The following SHANK1 variants were observed in gnomAD, a reference collection of about 807,000 sequenced individuals.
SHANK1 encodes the protein SH3 and multiple ankyrin repeat domains 1, also known as SH3 and multiple ankyrin repeat domains protein 1.
SHANK1 carries 35 observed loss-of-function variants against 165.6 expected under a neutral mutation model. The ratio of observed to expected loss-of-function variants is 0.21; its 90% CI spans 0.16 to 0.28. The LOEUF is 0.28. SHANK1 is among the 10% of genes least tolerant of loss of function. SHANK1 has a pLI of 1.00. For synonymous variants in SHANK1, 1,428 were observed against 1,384.8 expected (o/e 1.03, Z -0.69); for missense variants, 2,681 against 3,036.4 (o/e 0.88, Z 2.75).
At position 50,716,152 on chromosome 19, in the gene SHANK1, G is replaced by T; in HGVS notation, c.459+123C>A. ...CTGACTTCCCTGTGATGCTTAGAAG[G>T]TCTGGACTCGCACACTGGGTGCCCC... On this transcript the variant is annotated intron_variant, in intron 3 of 23. Transcript: ENST00000293441. The surrounding 1 kb of genome is among the most constrained non-coding windows in gnomAD (Gnocchi z 8.4). 1 of 863,356 alleles carries T rather than the reference G, an allele frequency of 1.2e-6. No homozygotes were observed. Among genetic ancestry groups the T allele is most frequent in the Non-Finnish European group, 1.9e-6 (1 of 521,764 alleles). The allele number at this position is 863,356 out of a possible 1,614,324, so 53.5% of individuals were successfully genotyped here.
rs1009151264 is a variant in SHANK1 at position 50,660,568 on chromosome 19, A to C, written c.*1397T>G. ...GAAAAGAAATGACAGTTACAGCCCA[A>C]GAGTGCATGGAATGAGATGAGTGTG... On this transcript the variant is annotated 3_prime_UTR_variant, in exon 24 of 24. Coordinates refer to ENST00000293441, the MANE Select transcript of SHANK1 (RefSeq NM_016148.5). Among the ~76,000 whole-genome samples, 3 of 152,076 alleles carry C rather than the reference A, an allele frequency of 2.0e-5. No individual in the cohort carries two copies. Among genetic ancestry groups the C allele is most frequent in the Non-Finnish European group, 2.9e-5 (2 of 68,026 alleles).
rs1985667029 is a variant in SHANK1 at position 50,668,678 on chromosome 19, TGCGCTG to T, written c.3276_3281del (p.Ser1093_Ala1094del). The T allele has an allele frequency of 7.6e-7, 1 of 1,320,892 alleles. No homozygotes were observed. Among genetic ancestry groups the T allele is most frequent in the Admixed American group, 3.8e-5 (1 of 26,066 alleles). The allele number at this position is 1,320,892 out of a possible 1,614,324, so 81.8% of individuals were successfully genotyped here. On this transcript the variant is annotated inframe_deletion, in exon 23 of 24. Coordinates refer to ENST00000293441, the MANE Select transcript of SHANK1 (RefSeq NM_016148.5). The stretch of plus-strand genomic sequence containing the variant: ...CCGAGCGGGCGGGCACGTACATGGC[TGCGCTG>T]GCCGCCCGCGGGGGCAGCTGGAAAT...
chr19:50,704,509 G>A lies in SHANK1; in HGVS notation c.1083C>T (p.Thr361=). ...CTCGATACAGGAGGATCCTGGCACAGGTCTCCTGCGGGTAATGGCCAGTGG... is the reference window on the plus strand; with the variant it reads ...CTCGATACAGGAGGATCCTGGCACAAGTCTCCTGCGGGTAATGGCCAGTGG... ...LHICALYNKE[T]CARILLYRGA... The change falls in exon 9 of 24, where the codon ACC becomes ACT. Residue 361 remains threonine, a synonymous_variant. Coordinates refer to ENST00000293441, the MANE Select transcript of SHANK1 (RefSeq NM_016148.5). The A allele has an allele frequency of 1.9e-6, 3 of 1,613,954 alleles. No individual in the cohort carries two copies. Among genetic ancestry groups the A allele is most frequent in the Non-Finnish European group, 2.5e-6 (3 of 1,179,916 alleles).
intron 8 of SHANK1, among the ~76,000 whole-genome samples, chr19:50,710,291 G>T (rs1025740203): frequency 6.6e-6 from 1 of 152,226 alleles, no homozygotes; most frequent in East Asian, 1.9e-4. Context: ...CCACAAGGCG[G>T]CACGTGGCCA....
intron 21 of SHANK1, among the ~76,000 whole-genome samples, chr19:50,683,762 G>T (rs937586308): frequency 6.6e-6 from 1 of 152,192 alleles, no homozygotes; most frequent in Non-Finnish European, 1.5e-5. Context: ...GATTTTCTCT[G>T]CTTTGCGCCT....
At chr19:50,701,007 AG>A (rs778208736) in intron 12 of SHANK1, among the ~76,000 whole-genome samples, 9 of 152,042 alleles carry the variant, frequency 5.9e-5, no homozygotes, top group Non-Finnish European at 1.2e-4. Context: ...ACAGGAACTC[AG>A]GCTATGGGAA....
At position 50,668,014 on chromosome 19, in the gene SHANK1, C is replaced by A. The variant is rs1985618275; in HGVS notation, c.3946G>T (p.Gly1316Cys). The change falls in exon 23 of 24, where the codon GGT becomes TGT. Residue 1316 changes from glycine (G) to cysteine (C), a missense_variant. Coordinates refer to ENST00000293441, the MANE Select transcript of SHANK1 (RefSeq NM_016148.5). ...CCGCCACCCCCGTAGGCTCGGCTAC[C>A]GGCCCCGTAGCCGCCGTAGCCCGCG... ...SGAGYGGYGA[G>C]SRAYGGGGGS... is the part of the protein sequence containing the mutation. 11 of 1,475,108 alleles carry A rather than the reference C, an allele frequency of 7.5e-6. No individual in the cohort carries two copies. Among genetic ancestry groups the A allele is most frequent in the Non-Finnish European group, 9.8e-6 (11 of 1,119,006 alleles). 91.4% of individuals were successfully genotyped at this position (1,475,108 alleles called of 1,614,324 possible).
chr19:50,703,757 CG>C lies in SHANK1; in HGVS notation c.1295del (p.Pro432ArgfsTer131), dbSNP rs1568442039. 5.6e-6 allele frequency: 8 copies of C among 1,432,756 alleles called. No individual in the cohort carries two copies. Among genetic ancestry groups the C allele is most frequent in the Admixed American group, 2.9e-5 (1 of 34,874 alleles). 88.8% of individuals were successfully genotyped at this position (1,432,756 alleles called of 1,614,324 possible). On this transcript the variant is annotated frameshift_variant, in exon 11 of 24. Transcript: ENST00000293441. LOFTEE classifies it high-confidence loss of function. ...GPPGTGLTVP[P>X]ALLRANSDTS... is the part of the protein sequence containing the mutation. Reference sequence around the variant, plus strand: ...TGTCACTGTTGGCCCGCAGCAGCGCCGGGGGCACCGTCAGCCCTGTGCCTGG... The same window carrying C: ...TGTCACTGTTGGCCCGCAGCAGCGCCGGGGCACCGTCAGCCCTGTGCCTGG...
At chr19:50,679,527 C>T (rs796351092) in intron 21 of SHANK1, among the ~76,000 whole-genome samples, 55 of 152,270 alleles carry the variant, frequency 3.6e-4, no homozygotes, top group African/African-American at 1.3e-3. Flanking sequence ...CGCTCCCGCG[C>T]AGAAGGGACA....
intron 12 of SHANK1, among the ~76,000 whole-genome samples, chr19:50,699,350 A>G (rs1294706213): frequency 6.6e-6 from 1 of 152,230 alleles, no homozygotes; most frequent in Non-Finnish European, 1.5e-5. Flanking sequence ...GCAGTGGCCA[A>G]TAGAGGCATA....
intron 21 of SHANK1, among the ~76,000 whole-genome samples, chr19:50,678,607 T>G: frequency 7.6e-6 from 1 of 131,880 alleles, no homozygotes; most frequent in Non-Finnish European, 1.6e-5. Context: ...AGTGGAGAGG[T>G]CAATGTGACA....
chr19:50,674,667 G>T (rs1191273045), intron 21 of SHANK1, among the ~76,000 whole-genome samples: 1 of 152,098 alleles, frequency 6.6e-6, no homozygotes, highest in African/African-American at 2.4e-5. Context: ...CCAACGTGGT[G>T]GCTCATGCCT....
At position 50,660,709 on chromosome 19, in the gene SHANK1, G is replaced by A. The variant is rs923499632; in HGVS notation, c.*1256C>T. On this transcript the variant is annotated 3_prime_UTR_variant, in exon 24 of 24. Coordinates refer to ENST00000293441, the MANE Select transcript of SHANK1 (RefSeq NM_016148.5). ...AGGGGAGAAACAAGGCTTCCGGAGAGCACTGAAAATGCTGGGGGGGGGGGC... is the reference window on the plus strand; with the variant it reads ...AGGGGAGAAACAAGGCTTCCGGAGAACACTGAAAATGCTGGGGGGGGGGGC... 8.4e-6 allele frequency among the ~76,000 whole-genome samples: 1 copy of A among 119,276 alleles called. No homozygotes were observed. The highest frequency in any genetic ancestry group is 2.8e-4 in the East Asian group (1 of 3,548). The allele number at this position is 119,276 out of a possible 152,430, so 78.2% of individuals were successfully genotyped here.
rs1245830037 is a variant in SHANK1, at chr19:50,717,525, G to A, written c.-43-563C>T. Among the ~76,000 whole-genome samples, 1 of 152,170 alleles carries A rather than the reference G, an allele frequency of 6.6e-6. No individual in the cohort carries two copies. Among genetic ancestry groups the A allele is most frequent in the Non-Finnish European group, 1.5e-5 (1 of 68,032 alleles). On this transcript the variant is annotated intron_variant, in intron 1 of 23. Coordinates refer to ENST00000293441, the MANE Select transcript of SHANK1 (RefSeq NM_016148.5). This position sits in a 1 kb window ranked among gnomAD's most constrained non-coding sequence, Gnocchi z 5.5. ...ACTTCACTCAAGTGTGGCTGACAAC[G>A]CGTGGCATGCCGAATAGTGCTGGGG... is the stretch of plus-strand genomic sequence containing the variant.
At position 50,660,113 on chromosome 19, in the gene SHANK1, G is replaced by A. The variant is rs1472040350; in HGVS notation, c.*1852C>T. Among the ~76,000 whole-genome samples the A allele has an allele frequency of 1.8e-5, 2 of 111,656 alleles. No individual in the cohort carries two copies. Among genetic ancestry groups the A allele is most frequent in the Non-Finnish European group, 3.4e-5 (2 of 58,264 alleles). The allele number at this position is 111,656 out of a possible 152,430, so 73.3% of individuals were successfully genotyped here. On this transcript the variant is annotated 3_prime_UTR_variant, in exon 24 of 24. Transcript: ENST00000293441. ...GGGGGAGCTCCCTTCTTTGGCAGCT[G>A]AACATGGGGGGGGGACCTGAGGGCA...
At chr19:50,704,251 C>T (rs187882127) in intron 9 of SHANK1, 65 bp from the exon 10 acceptor site, 167,814 of 1,532,582 alleles carry the variant, frequency 0.11, 11,989 homozygotes, top group Admixed American at 0.35. Context: ...GGGCAGGGAA[C>T]GTGGCGAGGT....
At chr19:50,673,648 G>T (rs1329001610) in intron 21 of SHANK1, among the ~76,000 whole-genome samples, 1 of 152,084 alleles carries the variant, frequency 6.6e-6, no homozygotes, top group African/African-American at 2.4e-5. Context: ...CTGAAGGCGG[G>T]GCTGATGTAT....
chr19:50,669,570 T>C (rs1450633147), intron 22 of SHANK1, among the ~76,000 whole-genome samples: 2 of 152,090 alleles, frequency 1.3e-5, no homozygotes, highest in Non-Finnish European at 2.9e-5. Context: ...CATTTTCTAA[T>C]TCCGTTCAAA....
chr19:50,668,042 G>A lies in SHANK1; in HGVS notation c.3918C>T (p.Ser1306=), dbSNP rs547041696. ...CCCCGTAGCCGCCGTAGCCCGCGCC[G>A]CTGCCCGCAGACTCCAGTCGGAGGT... ...EPYLRLESAG[S]GAGYGGYGAG... The change falls in exon 23 of 24, where the codon AGC becomes AGT. Residue 1306 remains serine (S), a synonymous_variant. Transcript: ENST00000293441. The A allele has an allele frequency of 1.2e-3, 1,714 of 1,475,938 alleles. 15 individuals are homozygous for A. The African/African-American group carries it at 0.021, about 18-fold the overall frequency. 91.4% of individuals were successfully genotyped at this position (1,475,938 alleles called of 1,614,324 possible). A position where few individuals can be genotyped will look rare whatever the true frequency, so the allele number is the denominator to read the frequency against.
Sources: allele counts gnomAD v4.1 joint callset (sites outside exome capture counted in the v4.1 genomes callset), GRCh38; gene constraint gnomAD v4.1.1; non-coding constraint Gnocchi (gnomAD v3.1); transcripts MANE v1.5; gene names NCBI Gene and HGNC (gene_info 2026-07-23, HGNC 2026-07-21).